SPP2: variants seen among roughly 807,000 people sequenced by gnomAD.
SPP2 encodes the protein secreted phosphoprotein 24.
SPP2 carries 34 observed loss-of-function variants against 28.8 expected under a neutral mutation model. That is an observed-to-expected ratio of 1.18 (90% CI 0.90 to 1.57). The LOEUF (loss-of-function observed/expected upper bound fraction) is 1.57. Among genes scored for constraint, SPP2 ranks in the 40% most tolerant of loss-of-function variants. The pLI is 0.00. For synonymous variants in SPP2, 96 were observed against 89.4 expected, an observed-to-expected ratio of 1.07 and a Z score of -0.42; for missense variants, 269 against 263.9, an observed-to-expected ratio of 1.02 and a Z score of -0.13.
At chr2:234,076,271 C>T (rs1443164044) in intron 7 of SPP2, among the ~76,000 whole-genome samples, 2 of 152,264 alleles carry the variant, frequency 1.3e-5, no homozygotes, top group East Asian at 3.9e-4. Context: ...GCTGACTGTT[C>T]TCCCGGGGTC....
At chr2:234,064,700 C>G (rs28903704) in intron 4 of SPP2, among the ~76,000 whole-genome samples, 37,629 of 152,042 alleles carry the variant, frequency 0.25, 4,758 homozygotes, top group South Asian at 0.43. Flanking sequence ...ACCCCAGTAA[C>G]AGTTGTTCTC....
At chr2:234,063,704 G>A (rs950873024) in intron 4 of SPP2, among the ~76,000 whole-genome samples, 2 of 152,274 alleles carry the variant, frequency 1.3e-5, no homozygotes, top group East Asian at 1.9e-4. Flanking sequence ...GGAGTACGAT[G>A]CTGAAATGGT....
At chr2:234,050,939 T>C (rs1693478582) in intron 1 of SPP2, 32 bp from the exon 2 acceptor site, 3 of 1,613,844 alleles carry the variant, frequency 1.9e-6, no homozygotes, top group Non-Finnish European at 2.5e-6. Context: ...CTGTGTCTTG[T>C]CTCACTGTGC....
chr2:234,050,922 C>A, intron 1 of SPP2, 49 bp from the exon 2 acceptor site: 1 of 1,613,996 alleles, frequency 6.2e-7, no homozygotes, highest in Non-Finnish European at 8.5e-7. Flanking sequence ...CAGAGCCATG[C>A]TGGCGCCTGT....
intron 2 of SPP2, among the ~76,000 whole-genome samples, chr2:234,054,495 G>A (rs1693567237): frequency 6.6e-6 from 1 of 152,208 alleles, no homozygotes; most frequent in Non-Finnish European, 1.5e-5. Context: ...GATCTGGGAT[G>A]AGGGTGCCAG....
chr2:234,062,010 G>A (rs1171422867), intron 4 of SPP2, among the ~76,000 whole-genome samples: 1 of 152,156 alleles, frequency 6.6e-6, no homozygotes, highest in Admixed American at 6.5e-5. Flanking sequence ...CTCATACACT[G>A]TGGCCCCGCT....
At chr2:234,051,216 CT>C in intron 2 of SPP2, 121 bp downstream of exon 2, 1 of 1,283,380 alleles carries the variant, frequency 7.8e-7, no homozygotes, top group African/African-American at 1.5e-5. Flanking sequence ...CTAGTCATCT[CT>C]TTCATACTGT....
chr2:234,056,188 C>A (rs1693603915), intron 2 of SPP2: 1 of 152,142 alleles, frequency 6.6e-6, no homozygotes, highest in Admixed American at 6.5e-5. Context: ...GGCTAATATC[C>A]AGAATCTACA....
chr2:234,071,187 A>C (rs934970782), intron 7 of SPP2, among the ~76,000 whole-genome samples: 1 of 152,124 alleles, frequency 6.6e-6, no homozygotes, highest in Non-Finnish European at 1.5e-5. Flanking sequence ...TACCATCACC[A>C]ATGAACTATT....
intron 2 of SPP2, among the ~76,000 whole-genome samples, chr2:234,055,031 G>T (rs150652057): frequency 0.011 from 1,746 of 152,246 alleles, 18 homozygotes; most frequent in Middle Eastern, 0.048. Context: ...ATTAATAAGG[G>T]ATTCATTTGA....
intron 6 of SPP2, among the ~76,000 whole-genome samples, chr2:234,068,362 T>G (rs1468728191): frequency 6.6e-6 from 1 of 152,244 alleles, no homozygotes; most frequent in Non-Finnish European, 1.5e-5. Flanking sequence ...ATTGCCAATG[T>G]AGGACTTTAA....
chr2:234,050,896 C>T (rs1693477530), intron 1 of SPP2, 25 bp downstream of exon 1: 1 of 1,614,036 alleles, frequency 6.2e-7, no homozygotes, highest in Admixed American at 1.7e-5. Context: ...AACCTGGCCA[C>T]CTGCTCTGGA....
chr2:234,050,709 G>A lies in SPP2; in HGVS notation c.-78G>A. The A allele has an allele frequency of 1.6e-6, 2 of 1,266,206 alleles. No homozygotes were observed. The highest frequency in any genetic ancestry group is 2.3e-6 in the Non-Finnish European group (2 of 873,032). The allele number at this position is 1,266,206 out of a possible 1,614,324, so 78.4% of individuals were successfully genotyped here. On this transcript the variant is annotated 5_prime_UTR_variant, in exon 1 of 8. Coordinates refer to ENST00000168148, the MANE Select transcript of SPP2 (RefSeq NM_006944.3). Reference sequence around the variant, plus strand: ...CAGTCAAAATAAGCAGCCAGTGTTTGATAAAGACAGCTCCTCTTAGGAAGA... The same window carrying A: ...CAGTCAAAATAAGCAGCCAGTGTTTAATAAAGACAGCTCCTCTTAGGAAGA...
At chr2:234,076,115 G>A (rs1219025749) in intron 7 of SPP2, among the ~76,000 whole-genome samples, 1 of 152,154 alleles carries the variant, frequency 6.6e-6, no homozygotes, top group Non-Finnish European at 1.5e-5. Flanking sequence ...TGAGTCTGGG[G>A]TCTTGCTGTG....
At chr2:234,057,097 T>C (rs1403393565) in intron 2 of SPP2, among the ~76,000 whole-genome samples, 3 of 152,114 alleles carry the variant, frequency 2.0e-5, no homozygotes, top group Admixed American at 6.5e-5. Flanking sequence ...CTGGGGGTGT[T>C]GTCAGGTACT....
chr2:234,062,941 T>A (rs1274939928), intron 4 of SPP2, among the ~76,000 whole-genome samples: 1 of 152,178 alleles, frequency 6.6e-6, no homozygotes, highest in African/African-American at 2.4e-5. Context: ...AAAAACTAGA[T>A]CTTAAAATAA....
chr2:234,070,753 C>T (rs1180278644), intron 7 of SPP2, among the ~76,000 whole-genome samples: 25 of 152,182 alleles, frequency 1.6e-4, no homozygotes, highest in African/African-American at 3.9e-4. Flanking sequence ...TGAGCCACCA[C>T]GCCTGGCCGA....
chr2:234,056,026 A>C (rs980023866), intron 2 of SPP2: 3 of 152,170 alleles, frequency 2.0e-5, no homozygotes, highest in Non-Finnish European at 4.4e-5. Flanking sequence ...CATTAAGTAT[A>C]TCTCCTAATG....
intron 3 of SPP2, 111 bp downstream of exon 3, chr2:234,059,069 C>A: frequency 7.7e-7 from 1 of 1,296,896 alleles, no homozygotes; most frequent in South Asian, 1.6e-5. Context: ...CATCTGGCCA[C>A]ACTGCTAACA....
Sources: allele counts gnomAD v4.1 joint callset (sites outside exome capture counted in the v4.1 genomes callset), GRCh38; gene constraint gnomAD v4.1.1; transcripts MANE v1.5; gene names NCBI Gene and HGNC (gene_info 2026-07-23, HGNC 2026-07-21).